CHD7: variants seen among roughly 807,000 people sequenced by gnomAD.
CHD7 encodes chromodomain helicase DNA binding protein 7, also known as ATP-dependent chromatin remodeler CHD7.
In CHD7, 24 loss-of-function variants were observed where a neutral mutation model predicts 307.3. The ratio of observed to expected loss-of-function variants is 0.08; its 90% CI spans 0.06 to 0.11. The LOEUF (loss-of-function observed/expected upper bound fraction) is 0.11. Ranked by LOEUF, CHD7 falls within the 10% of genes least tolerant of loss-of-function variation. The pLI is 1.00. For synonymous variants in CHD7, 1,363 were observed against 1,349.9 expected (o/e 1.01, Z -0.21); for missense variants, 3,106 against 3,727.1 (o/e 0.83, Z 4.34).
rs1431911735 is a variant in CHD7, at chr8:60,820,402, T to C, written c.2697+312T>C. On this transcript the variant is annotated intron_variant, in intron 9 of 37. Transcript: ENST00000423902. ...TACATTTTGGTATAAATCTGTCATG[T>C]AGCACAAAGTATCCTTATATAATTG... is the stretch of plus-strand genomic sequence containing the variant. Among the ~76,000 whole-genome samples, 3 of 152,250 alleles carry C rather than the reference T, an allele frequency of 2.0e-5. No homozygotes were observed. In the East Asian group the frequency reaches 5.8e-4, roughly 29 times the overall value.
intron 5 of CHD7, 54 bp from the exon 6 acceptor site, chr8:60,801,474 A>G: frequency 7.6e-7 from 1 of 1,320,702 alleles, no homozygotes; most frequent in Non-Finnish European, 1.1e-6. Flanking sequence ...TTGCTCTTAT[A>G]GCTTAGGATG....
intron 1 of CHD7, among the ~76,000 whole-genome samples, chr8:60,724,270 A>G (rs920288677): frequency 6.6e-6 from 1 of 152,220 alleles, no homozygotes; most frequent in East Asian, 1.9e-4. Context: ...TTCTTATTAC[A>G]GCACAAGAGT....
intron 1 of CHD7, among the ~76,000 whole-genome samples, chr8:60,688,300 A>G (rs989494529): frequency 1.3e-5 from 2 of 149,876 alleles, no homozygotes; most frequent in African/African-American, 2.5e-5. Flanking sequence ...TAAGTGAGGC[A>G]CTCCAGCTAA....
At chr8:60,767,992 G>GT (rs1046352306) in intron 2 of CHD7, among the ~76,000 whole-genome samples, 2 of 152,148 alleles carry the variant, frequency 1.3e-5, no homozygotes, top group African/African-American at 4.8e-5. Flanking sequence ...TGTTCTGAAA[G>GT]TTTTTTTATG....
intron 2 of CHD7, among the ~76,000 whole-genome samples, chr8:60,744,563 G>A (rs2150584072): frequency 7.7e-6 from 1 of 130,064 alleles, no homozygotes; most frequent in Admixed American, 8.8e-5. Flanking sequence ...GAAAAAAAAA[G>A]TATTTTAGGC....
Position 60,862,661 on chromosome 8 carries a change from A to G in CHD7, c.8076+9A>G, listed in dbSNP as rs781282035. 6.6e-7 allele frequency: 1 copy of G among 1,521,868 alleles called. No individual in the cohort carries two copies. Among genetic ancestry groups the G allele is most frequent in the Admixed American group, 1.9e-5 (1 of 51,322 alleles). 94.3% of individuals were successfully genotyped at this position (1,521,868 alleles called of 1,614,324 possible). A position where few individuals can be genotyped will look rare whatever the true frequency, so the allele number is the denominator to read the frequency against. On this transcript the variant is annotated intron_variant, in intron 37 of 37. Transcript: ENST00000423902. The stretch of plus-strand genomic sequence containing the variant: ...ATATAGTTAAGCAGTCTGTAAGTAC[A>G]AACTGCATTTCTATCAAGAAAGGTA...
rs1421259822 is a variant in CHD7 at position 60,824,024 on chromosome 8, A to G, written c.3378+8A>G. 2 of 1,610,016 alleles carry G rather than the reference A, an allele frequency of 1.2e-6. No individual in the cohort carries two copies. The highest frequency in any genetic ancestry group is 1.7e-5 in the Admixed American group (1 of 59,852). On this transcript the variant is annotated splice_region_variant and intron_variant, in intron 13 of 37. Transcript: ENST00000423902. ...CTCAAGATGATGGACTTGGTCAGTG[A>G]CCATATTGGTGATTGCACTGAACCT...
Position 60,844,915 on chromosome 8 carries a change from C to T in CHD7, c.4902C>T (p.Leu1634=), listed in dbSNP as rs1805139035. ...ILSHGRYKRQ[L]TEQDVETICR... ...CCCACGGACGCTATAAACGCCAACT[C>T]ACTGAGCAAGATGTAGAAACCATCT... The change falls in exon 22 of 38, where the codon CTC becomes CTT. Residue 1634 remains leucine (L), a synonymous_variant. Transcript: ENST00000423902. 1.9e-6 allele frequency: 3 copies of T among 1,612,986 alleles called. No individual in the cohort carries two copies. The highest frequency in any genetic ancestry group is 4.5e-5 in the East Asian group (2 of 44,862).
At chr8:60,679,762 C>G (rs1406350698) in intron 1 of CHD7, 1 of 148,632 alleles carries the variant, frequency 6.7e-6, no homozygotes, top group East Asian at 2.0e-4. Flanking sequence ...GCGGCGGCGC[C>G]AGCCCGCGCG....
chr8:60,832,522 G>A (rs140892172), intron 15 of CHD7, among the ~76,000 whole-genome samples: 29 of 152,192 alleles, frequency 1.9e-4, no homozygotes, highest in Non-Finnish European at 3.5e-4. Flanking sequence ...ATGAGGACAC[G>A]TGTGTGCATG....
rs369024720 is a variant in CHD7 at position 60,818,886 on chromosome 8, A to C, written c.2614-1121A>C. On this transcript the variant is annotated intron_variant, in intron 8 of 37. Coordinates refer to ENST00000423902, the MANE Select transcript of CHD7 (RefSeq NM_017780.4). ...AGTTAATTGAGAGGTGCACATAATAAAATGTGTCTTTTGTTTTCTAACATC... is the reference window on the plus strand; with the variant it reads ...AGTTAATTGAGAGGTGCACATAATACAATGTGTCTTTTGTTTTCTAACATC... Among the ~76,000 whole-genome samples the C allele has an allele frequency of 2.0e-4, 31 of 152,298 alleles. 1 individual carries two copies. In the East Asian group the frequency reaches 4.0e-3, roughly 20 times the overall value.
intron 1 of CHD7, among the ~76,000 whole-genome samples, chr8:60,703,308 C>G (rs1051933066): frequency 6.6e-6 from 1 of 152,190 alleles, no homozygotes; most frequent in Non-Finnish European, 1.5e-5. Flanking sequence ...TTCACTTCCC[C>G]ACATGTGCAT....
In CHD7 at chr8:60,805,887, A is replaced by G. The variant is rs146850295; in HGVS notation, c.2443-2330A>G. On this transcript the variant is annotated intron_variant, in intron 6 of 37. Coordinates refer to ENST00000423902, the MANE Select transcript of CHD7 (RefSeq NM_017780.4). ...AAAATGCCTTCAAAATTGAAAAAAT[A>G]TAATTATTATCAGAAGGGCAAAAGC... Among the ~76,000 whole-genome samples the G allele has an allele frequency of 4.5e-4, 69 of 152,314 alleles. 1 individual carries two copies. The East Asian group carries it at 0.012, about 26-fold the overall frequency.
intron 2 of CHD7, among the ~76,000 whole-genome samples, chr8:60,749,333 T>G (rs1809508033): frequency 8.7e-6 from 1 of 114,852 alleles, no homozygotes; most frequent in East Asian, 3.0e-4. Context: ...ATCATGCCAC[T>G]GCACTCCAGC....
chr8:60,845,904 A>G (rs553978345), intron 23 of CHD7, among the ~76,000 whole-genome samples: 3 of 152,300 alleles, frequency 2.0e-5, no homozygotes, highest in East Asian at 3.9e-4. Context: ...GGCAATCACC[A>G]TTCTACTTTC....
rs934717808 is a variant in CHD7, at chr8:60,759,863, G to A, written c.1665+16766G>A. ...TGGAGGACGGCTGGGTCTTATTGAG[G>A]TCATTCATTCATTCATTCATCCATC... is the stretch of plus-strand genomic sequence containing the variant. On this transcript the variant is annotated intron_variant, in intron 2 of 37. Coordinates refer to ENST00000423902, the MANE Select transcript of CHD7 (RefSeq NM_017780.4). 1.3e-5 allele frequency among the ~76,000 whole-genome samples: 2 copies of A among 152,132 alleles called. 1 individual carries two copies. The highest frequency in any genetic ancestry group is 4.1e-4 in the South Asian group (2 of 4,824).
chr8:60,801,738 A>G (rs1586353265), intron 6 of CHD7, 145 bp downstream of exon 6: 3 of 614,680 alleles, frequency 4.9e-6, no homozygotes, highest in African/African-American at 1.9e-5. Context: ...TATTAACCCA[A>G]TATGAATCTT....
intron 2 of CHD7, among the ~76,000 whole-genome samples, chr8:60,768,972 A>G (rs1810592368): frequency 6.6e-6 from 1 of 152,250 alleles, no homozygotes; most frequent in African/African-American, 2.4e-5. Context: ...AACATTAAGT[A>G]TTTGTATTTT....
chr8:60,695,744 A>C (rs1202107812), intron 1 of CHD7, among the ~76,000 whole-genome samples: 1 of 152,172 alleles, frequency 6.6e-6, no homozygotes, highest in Non-Finnish European at 1.5e-5. Context: ...AAAAATTTCC[A>C]AATTATGGAA....
Sources: allele counts gnomAD v4.1 joint callset (sites outside exome capture counted in the v4.1 genomes callset), GRCh38; gene constraint gnomAD v4.1.1; transcripts MANE v1.5; gene names NCBI Gene and HGNC (gene_info 2026-07-23, HGNC 2026-07-21).